Variants in KCNC1 observed in about 807,000 individuals in gnomAD.
KCNC1 encodes the protein voltage-gated potassium channel KCNC1.
KCNC1 carries 8 observed loss-of-function variants against 43.4 expected under a neutral mutation model. The observed-to-expected ratio is 0.18, with a 90% CI of 0.11 to 0.33. The LOEUF (loss-of-function observed/expected upper bound fraction) is 0.33, where lower values mean the gene tolerates loss of function less well. KCNC1 is among the 10% of genes least tolerant of loss of function. The pLI is 1.00. For missense variants in KCNC1, 420 were observed against 836.0 expected (o/e 0.50, Z 6.14); for synonymous variants, 361 against 360.5 (o/e 1.00, Z -0.01).
chr11:17,762,684 T>C (rs1849092019), intron 1 of KCNC1, among the ~76,000 whole-genome samples: 1 of 152,208 alleles, frequency 6.6e-6, no homozygotes, highest in Non-Finnish European at 1.5e-5. Flanking sequence ...GGATACTGCC[T>C]GAGCCAAGAC....
At chr11:17,762,495 G>A (rs1250167513) in intron 1 of KCNC1, among the ~76,000 whole-genome samples, 1 of 152,186 alleles carries the variant, frequency 6.6e-6, no homozygotes, top group African/African-American at 2.4e-5. Context: ...GCTCAGAAAG[G>A]GACAGTGACT....
intron 1 of KCNC1, among the ~76,000 whole-genome samples, chr11:17,746,779 T>C (rs1848903985): frequency 6.6e-6 from 1 of 152,138 alleles, no homozygotes; most frequent in South Asian, 2.1e-4. Context: ...CTGGAGCCCC[T>C]TTCTCTGCAA....
intron 1 of KCNC1, among the ~76,000 whole-genome samples, chr11:17,764,263 C>T (rs965132145): frequency 2.3e-5 from 3 of 128,728 alleles, no homozygotes; most frequent in African/African-American, 1.2e-4. Flanking sequence ...ACACACACCA[C>T]CGCACACAAA....
chr11:17,778,007 T>C (rs779506781), intron 2 of KCNC1, among the ~76,000 whole-genome samples: 2 of 152,186 alleles, frequency 1.3e-5, no homozygotes, highest in Non-Finnish European at 2.9e-5. Context: ...CCCCCCACTC[T>C]ACTCTTTCAG....
At chr11:17,770,991 G>A (rs1265928356) in intron 1 of KCNC1, among the ~76,000 whole-genome samples, 1 of 152,180 alleles carries the variant, frequency 6.6e-6, no homozygotes, top group African/African-American at 2.4e-5. Context: ...TTACCATGTT[G>A]TGGTGCAAGT....
chr11:17,777,018 C>T lies in KCNC1; in HGVS notation c.1505-2438C>T, dbSNP rs978093263. 1.0e-5 allele frequency: 10 copies of T among 985,256 alleles called. No individual in the cohort carries two copies. In the African/African-American group the frequency reaches 1.6e-4, roughly 16 times the overall value. 61.0% of individuals were successfully genotyped at this position (985,256 alleles called of 1,614,324 possible). A position where few individuals can be genotyped will look rare whatever the true frequency, so the allele number is the denominator to read the frequency against. ...AGGCCCTAGGGGTGTCCCGGGAATC[C>T]CCCAGGAGGGAAAGGTGCCAGGCTA... is the stretch of plus-strand genomic sequence containing the variant. On this transcript the variant is annotated intron_variant, in intron 2 of 3. Coordinates refer to ENST00000265969, the MANE Select transcript of KCNC1 (RefSeq NM_001112741.2). The surrounding 1 kb of genome is among the most constrained non-coding windows in gnomAD (Gnocchi z 4.3).
At chr11:17,757,745 T>C (rs900236258) in intron 1 of KCNC1, among the ~76,000 whole-genome samples, 1 of 152,246 alleles carries the variant, frequency 6.6e-6, no homozygotes, top group Non-Finnish European at 1.5e-5. Context: ...CTGTACATTA[T>C]TAATTGTGCA....
intron 1 of KCNC1, among the ~76,000 whole-genome samples, chr11:17,741,492 T>C (rs1238718433): frequency 6.6e-6 from 1 of 152,116 alleles, no homozygotes; most frequent in African/African-American, 2.4e-5. Context: ...ATGTTCACCA[T>C]CCTGGCTCAA....
In KCNC1 at chr11:17,782,724, A is replaced by G. The variant is rs1849360760; in HGVS notation, c.*990A>G. On this transcript the variant is annotated 3_prime_UTR_variant, in exon 4 of 4. Coordinates refer to ENST00000265969, the MANE Select transcript of KCNC1 (RefSeq NM_001112741.2). ...GATTCTAGCATGAAATAAATTTTGTATCATGGTTTCTGTATAGTCTAAAGC... is the reference window on the plus strand; with the variant it reads ...GATTCTAGCATGAAATAAATTTTGTGTCATGGTTTCTGTATAGTCTAAAGC... 2 of 152,202 alleles carry G rather than the reference A, an allele frequency of 1.3e-5. No individual in the cohort carries two copies. Among genetic ancestry groups the G allele is most frequent in the Admixed American group, 1.3e-4 (2 of 15,284 alleles). 9.4% of individuals were successfully genotyped at this position (152,202 alleles called of 1,614,324 possible).
Position 17,737,086 on chromosome 11 carries a change from G to T in KCNC1, c.570+514G>T, listed in dbSNP as rs537630143. ...CCATGGTCCCCCAAAAAGGCCTGAG[G>T]CCTGCTGGGCAGCTTGAGACAGACA... On this transcript the variant is annotated intron_variant, in intron 1 of 3. Coordinates refer to ENST00000265969, the MANE Select transcript of KCNC1 (RefSeq NM_001112741.2). Among the ~76,000 whole-genome samples, 11 of 152,230 alleles carry T rather than the reference G, an allele frequency of 7.2e-5. No homozygotes were observed. In the South Asian group the frequency reaches 8.3e-4, roughly 11 times the overall value.
At chr11:17,765,286 C>T (rs1239560132) in intron 1 of KCNC1, among the ~76,000 whole-genome samples, 1 of 152,208 alleles carries the variant, frequency 6.6e-6, no homozygotes, top group Non-Finnish European at 1.5e-5. Context: ...CAAGGCGAAC[C>T]CCCGAACAGC....
chr11:17,743,654 G>A (rs2133781309), intron 1 of KCNC1, among the ~76,000 whole-genome samples: 1 of 152,308 alleles, frequency 6.6e-6, no homozygotes, highest in South Asian at 2.1e-4. Flanking sequence ...GGGAACGCTG[G>A]CCGCCCCTCA....
At position 17,742,999 on chromosome 11, in the gene KCNC1, G is replaced by T. The variant is rs1308005941; in HGVS notation, c.570+6427G>T. 6.6e-6 allele frequency among the ~76,000 whole-genome samples: 1 copy of T among 152,204 alleles called. No homozygotes were observed. Among genetic ancestry groups the T allele is most frequent in the Non-Finnish European group, 1.5e-5 (1 of 68,036 alleles). ...AGACCTTCTCACGTCAGCCAACCCA[G>T]ACTTGACCCAAATCCTTAGGATTCC... On this transcript the variant is annotated intron_variant, in intron 1 of 3. Coordinates refer to ENST00000265969, the MANE Select transcript of KCNC1 (RefSeq NM_001112741.2). The surrounding 1 kb of genome is among the most constrained non-coding windows in gnomAD (Gnocchi z 4.2).
At chr11:17,775,392 T>A in intron 2 of KCNC1, 1 of 982,620 alleles carries the variant, frequency 1.0e-6, no homozygotes. Flanking sequence ...CCAGGGACAA[T>A]CTGGTCTCCT....
intron 1 of KCNC1, among the ~76,000 whole-genome samples, chr11:17,741,658 C>A (rs1164081890): frequency 6.6e-6 from 1 of 152,226 alleles, no homozygotes; most frequent in East Asian, 1.9e-4. Context: ...GCTTAGAACC[C>A]TTCAGTGCTT....
chr11:17,746,383 G>A (rs1444362977), intron 1 of KCNC1, among the ~76,000 whole-genome samples: 2 of 152,134 alleles, frequency 1.3e-5, no homozygotes, highest in African/African-American at 2.4e-5. Context: ...TTGAGGCCAC[G>A]AAACTGTTTT....
intron 1 of KCNC1, among the ~76,000 whole-genome samples, chr11:17,737,709 C>A (rs1213634267): frequency 6.6e-6 from 1 of 152,114 alleles, no homozygotes; most frequent in Non-Finnish European, 1.5e-5. Flanking sequence ...GGGGGAAGGG[C>A]AGAGTAGAGA....
intron 1 of KCNC1, among the ~76,000 whole-genome samples, chr11:17,740,952 G>A (rs77702178): frequency 0.019 from 2,873 of 152,222 alleles, 92 homozygotes; most frequent in African/African-American, 0.064. Context: ...TCTTGGAGTC[G>A]TGGCTTGGCA....
At chr11:17,763,551 A>C (rs1590102393) in intron 1 of KCNC1, among the ~76,000 whole-genome samples, 3 of 119,860 alleles carry the variant, frequency 2.5e-5, no homozygotes, top group Non-Finnish European at 3.5e-5. Flanking sequence ...ACAGACCCCC[A>C]CACCACCCCA....
Sources: gnomAD v4.1 joint callset for allele counts (sites outside exome capture counted in the v4.1 genomes callset) on GRCh38, gnomAD v4.1.1 for gene constraint, Gnocchi (gnomAD v3.1) non-coding constraint, MANE v1.5 for transcripts, NCBI Gene and HGNC (gene_info 2026-07-23, HGNC 2026-07-21) for gene names.